The following DZANK1 variants were observed in gnomAD, a reference collection of about 807,000 sequenced individuals.
The protein encoded by DZANK1 is double zinc ribbon and ankyrin repeat-containing protein 1.
DZANK1 carries 91 observed loss-of-function variants against 94.5 expected under a neutral mutation model. The observed-to-expected ratio is 0.96, with a 90% CI of 0.81 to 1.15. DZANK1 has a LOEUF of 1.15. DZANK1 is among the 50% of genes most tolerant of loss of function. DZANK1 has a pLI of 0.00. For missense variants in DZANK1, 903 were observed against 916.4 expected, an observed-to-expected ratio of 0.99 and a Z score of 0.19; for synonymous variants, 312 against 325.3, an observed-to-expected ratio of 0.96 and a Z score of 0.44.
intron 9 of DZANK1, chr20:18,433,422 G>T (rs548714582): frequency 6.9e-4 from 322 of 469,382 alleles, no homozygotes; most frequent in Non-Finnish European, 1.1e-3. Context: ...CACGCCTGTA[G>T]TTCCAGCTAC....
chr20:18,443,211 G>A (rs2058766240), intron 8 of DZANK1, 136 bp downstream of exon 8: 8 of 698,306 alleles, frequency 1.1e-5, no homozygotes, highest in Non-Finnish European at 1.8e-5. Context: ...GTAGGAGTGT[G>A]TAAGAGTTCA....
intron 7 of DZANK1, among the ~76,000 whole-genome samples, chr20:18,446,172 G>A (rs571474652): frequency 1.4e-4 from 22 of 152,336 alleles, no homozygotes; most frequent in Non-Finnish European, 3.1e-4. Flanking sequence ...TTGAATCCAG[G>A]AGTTTGAGGC....
intron 10 of DZANK1, among the ~76,000 whole-genome samples, chr20:18,424,186 A>G (rs1864747462): frequency 6.6e-6 from 1 of 152,258 alleles, no homozygotes; most frequent in African/African-American, 2.4e-5. Flanking sequence ...GCGGTGGCTC[A>G]TGCCTGTAAT....
chr20:18,443,813 G>A (rs763792639), intron 7 of DZANK1, among the ~76,000 whole-genome samples: 5 of 152,114 alleles, frequency 3.3e-5, no homozygotes, highest in Non-Finnish European at 5.9e-5. Context: ...TGAGCCCTGG[G>A]AATTCCAGCA....
chr20:18,427,335 G>A (rs540912139), intron 9 of DZANK1, among the ~76,000 whole-genome samples, 176 bp from the exon 10 acceptor site: 2 of 151,726 alleles, frequency 1.3e-5, no homozygotes, highest in South Asian at 2.1e-4. Context: ...ATATCTGTAG[G>A]TTTTTTTGGG....
At chr20:18,454,312 G>A (rs1263649108) in intron 4 of DZANK1, 1 of 323,550 alleles carries the variant, frequency 3.1e-6, no homozygotes, top group South Asian at 2.6e-5. Flanking sequence ...CCCCGAAGGC[G>A]GCCCCTGCCC....
chr20:18,448,361 C>G (rs2058961309), intron 7 of DZANK1, among the ~76,000 whole-genome samples: 1 of 152,060 alleles, frequency 6.6e-6, no homozygotes, highest in South Asian at 2.1e-4. Flanking sequence ...AGAAAGAAAT[C>G]AATAATTGCC....
At chr20:18,421,635 C>T (rs1361964363) in intron 10 of DZANK1, among the ~76,000 whole-genome samples, 1 of 152,232 alleles carries the variant, frequency 6.6e-6, no homozygotes, top group African/African-American at 2.4e-5. Context: ...ACTTAGGACT[C>T]TGATTCCAGG....
intron 9 of DZANK1, 107 bp from the exon 10 acceptor site, chr20:18,427,266 T>C: frequency 1.4e-6 from 1 of 709,940 alleles, no homozygotes; most frequent in East Asian, 2.8e-5. Flanking sequence ...GCCCTATTAC[T>C]GCACCCAGGC....
Position 18,412,725 on chromosome 20 carries a change from C to CTGTTCCTT in DZANK1, c.1345_1352dup (p.Glu452ArgfsTer5), listed in dbSNP as rs1299539150. On this transcript the variant is annotated frameshift_variant, in exon 13 of 21. Coordinates refer to ENST00000262547, the Ensembl canonical transcript of DZANK1. LOFTEE classifies it high-confidence loss of function. ...GCCTCTGCTTTTGAGAGGCTAGTTCCTGTTCCTTTTTTGCTAGCAGCTTGC... is the reference window on the plus strand; with the variant it reads ...GCCTCTGCTTTTGAGAGGCTAGTTCCTGTTCCTTTGTTCCTTTTTTGCTAGCAGCTTGC... The CTGTTCCTT allele has an allele frequency of 6.2e-7, 1 of 1,613,572 alleles. No individual in the cohort carries two copies. The highest frequency in any genetic ancestry group is 8.5e-7 in the Non-Finnish European group (1 of 1,179,784).
chr20:18,452,294 G>A lies in DZANK1; in HGVS notation c.543+321C>T, dbSNP rs537271331. Among the ~76,000 whole-genome samples, 9 of 152,208 alleles carry A rather than the reference G, an allele frequency of 5.9e-5. No individual in the cohort carries two copies. The South Asian group carries it at 6.2e-4, about 11-fold the overall frequency. ...ATGTGTGTTTCAAATAAGTTCCCAC[G>A]TGATGCTGATGCTGCAGGTCTGGGG... is the stretch of plus-strand genomic sequence containing the variant. On this transcript the variant is annotated intron_variant, in intron 6 of 20. Coordinates refer to ENST00000262547, the Ensembl canonical transcript of DZANK1.
intron 19 of DZANK1, 50 bp from the exon 20 acceptor site, chr20:18,385,140 G>A (rs199739024): frequency 1.3e-6 from 2 of 1,529,428 alleles, no homozygotes; most frequent in African/African-American, 1.4e-5. Flanking sequence ...GCATCATCAG[G>A]AAACTGGAGA....
At chr20:18,456,620 C>G (rs2059301130) in intron 3 of DZANK1, among the ~76,000 whole-genome samples, 1 of 151,986 alleles carries the variant, frequency 6.6e-6, no homozygotes, top group African/African-American at 2.4e-5. Flanking sequence ...TTTCCTATCT[C>G]TATAGTTTTG....
chr20:18,427,187 G>A, intron 9 of DZANK1, 28 bp from the exon 10 acceptor site: 1 of 1,553,234 alleles, frequency 6.4e-7, no homozygotes, highest in Non-Finnish European at 8.9e-7. Flanking sequence ...AGACATACAT[G>A]TTCCTCTGAG....
chr20:18,420,140 C>T (rs1051714090), intron 10 of DZANK1: 12 of 180,178 alleles, frequency 6.7e-5, no homozygotes, highest in Non-Finnish European at 8.6e-5. Context: ...TCTTCTTATT[C>T]GCAAAATTGC....
At chr20:18,464,981 G>A (rs971878974) in intron 2 of DZANK1, among the ~76,000 whole-genome samples, 3 of 152,002 alleles carry the variant, frequency 2.0e-5, no homozygotes, top group East Asian at 1.9e-4. Flanking sequence ...GGCCAGCACC[G>A]GGACATCTTA....
At chr20:18,447,171 A>C (rs952759623) in intron 7 of DZANK1, among the ~76,000 whole-genome samples, 3 of 152,162 alleles carry the variant, frequency 2.0e-5, no homozygotes, top group African/African-American at 7.2e-5. Flanking sequence ...CAAATTGGAA[A>C]CAGGTAAAAA....
chr20:18,446,230 G>A (rs6081145), intron 7 of DZANK1, among the ~76,000 whole-genome samples: 46,290 of 151,562 alleles, frequency 0.31, 7,193 homozygotes, highest in South Asian at 0.4. Flanking sequence ...GGGTGACAGA[G>A]TGAGACCCTA....
At chr20:18,404,443 T>C (rs186178155) in intron 13 of DZANK1, among the ~76,000 whole-genome samples, 1 of 152,076 alleles carries the variant, frequency 6.6e-6, no homozygotes, top group Non-Finnish European at 1.5e-5. Context: ...TGGAGTCACA[T>C]CAGAAGCTTC....
Sources: gnomAD v4.1 joint callset for allele counts (sites outside exome capture counted in the v4.1 genomes callset) on GRCh38, gnomAD v4.1.1 for gene constraint, MANE v1.5 for transcripts, NCBI Gene and HGNC (gene_info 2026-07-23, HGNC 2026-07-21) for gene names.